NSD2: variants seen among roughly 807,000 people sequenced by gnomAD.
NSD2 encodes the protein histone-lysine N-methyltransferase NSD2.
Under a neutral mutation model 139.0 loss-of-function variants are expected in NSD2, and 12 were observed. The ratio of observed to expected loss-of-function variants is 0.09; its 90% confidence interval spans 0.06 to 0.14. The LOEUF is 0.14. Among genes scored for constraint, NSD2 ranks in the 10% least tolerant of loss-of-function variants. NSD2 has a pLI of 1.00. For missense variants in NSD2, 1,155 were observed against 1,745.0 expected (o/e 0.66, Z 6.02); for synonymous variants, 669 against 648.7 (o/e 1.03, Z -0.48).
chr4:1,898,077 A>T (rs1232895109), intron 1 of NSD2, among the ~76,000 whole-genome samples: 1 of 151,664 alleles, frequency 6.6e-6, no homozygotes, highest in Non-Finnish European at 1.5e-5. Context: ...CAGATCTGTG[A>T]GGCTCTGCTT....
rs770524286 is a variant in NSD2, at chr4:1,955,651, A to G, written c.2519-42A>G. 1.9e-6 allele frequency: 3 copies of G among 1,578,176 alleles called. No homozygotes were observed. Among genetic ancestry groups the G allele is most frequent in the Non-Finnish European group, 2.6e-6 (3 of 1,160,582 alleles). ...AAGCACTGAATCTGGGCTGAGCCAT[A>G]GCAGACAGGCTAAGCCTGGCCGCCT... On this transcript the variant is annotated intron_variant, in intron 13 of 21. Transcript: ENST00000508803. The surrounding 1 kb of genome is among the most constrained non-coding windows in gnomAD (Gnocchi z 4.7).
rs559581791 is a variant in NSD2 at position 1,872,317 on chromosome 4, A to G, written c.-30+775A>G. Among the ~76,000 whole-genome samples the G allele has an allele frequency of 2.6e-5, 4 of 152,282 alleles. No individual in the cohort carries two copies. In the East Asian group the frequency reaches 7.7e-4, roughly 29 times the overall value. On this transcript the variant is annotated intron_variant, in intron 1 of 21. Coordinates refer to ENST00000508803, the MANE Select transcript of NSD2 (RefSeq NM_001042424.3). ...TTGATAGTCCTTGAAGCCTCAGTGC[A>G]TGAGATGGGACCTGGCGACTTAATG...
intron 5 of NSD2, among the ~76,000 whole-genome samples, chr4:1,921,781 C>CAAAAAAA: frequency 1.5e-5 from 1 of 64,986 alleles, no homozygotes; most frequent in African/African-American, 5.3e-5. Flanking sequence ...GACTCTGTCT[C>CAAAAAAA]AAAAAAAAAA....
At chr4:1,883,232 C>T (rs1714835189) in intron 1 of NSD2, among the ~76,000 whole-genome samples, 1 of 152,134 alleles carries the variant, frequency 6.6e-6, no homozygotes. Flanking sequence ...GGTTCAGAAA[C>T]AAGAGAAAGC....
chr4:1,950,658 C>G (rs528517283), intron 9 of NSD2, among the ~76,000 whole-genome samples: 16 of 152,172 alleles, frequency 1.1e-4, no homozygotes, highest in Admixed American at 1.0e-3. Context: ...TTTACACATT[C>G]GTTTGGTGTT....
chr4:1,946,467 C>T (rs958624299), intron 9 of NSD2: 6 of 638,248 alleles, frequency 9.4e-6, no homozygotes, highest in East Asian at 8.2e-5. Context: ...GACAGGGTTT[C>T]GCCATATTGG....
intron 9 of NSD2, chr4:1,945,449 G>T: frequency 4.7e-6 from 5 of 1,063,880 alleles, no homozygotes; most frequent in Non-Finnish European, 5.7e-6. Context: ...CTGTCACAGA[G>T]AAGTTTAAAA....
intron 21 of NSD2, among the ~76,000 whole-genome samples, chr4:1,977,105 A>T (rs976389672): frequency 1.3e-5 from 2 of 152,190 alleles, no homozygotes; most frequent in African/African-American, 2.4e-5. Flanking sequence ...GTGGGAATGG[A>T]GGGGCCCAGA....
In NSD2 at chr4:1,981,743, C is replaced by T; in HGVS notation, c.*2834C>T. On this transcript the variant is annotated 3_prime_UTR_variant, in exon 22 of 22. Transcript: ENST00000508803. ...CCCGGCGTGTGCAGTGCCCATCTTC[C>T]AGGACTACCTTATTTTCCAGAATTA... 2.5e-6 allele frequency: 1 copy of T among 397,280 alleles called. No homozygotes were observed. Among genetic ancestry groups the T allele is most frequent in the East Asian group, 3.6e-5 (1 of 28,048 alleles). 24.6% of individuals were successfully genotyped at this position (397,280 alleles called of 1,614,324 possible).
intron 5 of NSD2, among the ~76,000 whole-genome samples, chr4:1,922,500 T>A (rs1313246143): frequency 6.6e-6 from 1 of 152,222 alleles, no homozygotes; most frequent in Non-Finnish European, 1.5e-5. Context: ...ATCTATAAAT[T>A]CAGTATAATT....
At chr4:1,905,523 T>G (rs1717779632) in intron 3 of NSD2, among the ~76,000 whole-genome samples, 1 of 152,258 alleles carries the variant, frequency 6.6e-6, no homozygotes. Context: ...CTGCCCTTGC[T>G]ATGAGCTTAT....
Position 1,873,289 on chromosome 4 carries a change from A to G in NSD2, c.-30+1747A>G, listed in dbSNP as rs146685572. On this transcript the variant is annotated intron_variant, in intron 1 of 21. Transcript: ENST00000508803. ...TAATACCAGAGTCTGGCCTCTGATT[A>G]TAACAGTAAAGATTTTATTTTAAGA... Among the ~76,000 whole-genome samples the G allele has an allele frequency of 4.3e-4, 66 of 152,358 alleles. No individual in the cohort carries two copies. In the East Asian group the frequency reaches 0.012, roughly 28 times the overall value.
chr4:1,901,305 C>G, intron 2 of NSD2, 54 bp downstream of exon 2: 1 of 1,461,724 alleles, frequency 6.8e-7, no homozygotes, highest in African/African-American at 1.4e-5. Context: ...GTGAGCATGG[C>G]CACCCTATGA....
At chr4:1,970,791 T>C (rs1403519313) in intron 18 of NSD2, among the ~76,000 whole-genome samples, 3 of 152,072 alleles carry the variant, frequency 2.0e-5, no homozygotes, top group Non-Finnish European at 2.9e-5. Flanking sequence ...GGACATTACA[T>C]GTGGGCATGC....
At position 1,954,914 on chromosome 4, in the gene NSD2, C is replaced by G. The variant is rs1391292788; in HGVS notation, c.2339-247C>G. Among the ~76,000 whole-genome samples the G allele has an allele frequency of 5.9e-5, 9 of 152,318 alleles. No homozygotes were observed. In the South Asian group the frequency reaches 8.3e-4, roughly 14 times the overall value. ...CCACACTGCACAATGCCCAGGTCGG[C>G]TGCCCACGTGCCCCAGGTGCCTGCA... On this transcript the variant is annotated intron_variant, in intron 12 of 21. Coordinates refer to ENST00000508803, the MANE Select transcript of NSD2 (RefSeq NM_001042424.3).
rs754112437 is a variant in NSD2 at position 1,979,843 on chromosome 4, G to A, written c.*934G>A. The A allele has an allele frequency of 4.3e-6, 1 of 232,620 alleles. No individual in the cohort carries two copies. The highest frequency in any genetic ancestry group is 1.8e-4 in the South Asian group (1 of 5,532). 14.4% of individuals were successfully genotyped at this position (232,620 alleles called of 1,614,324 possible). The stretch of plus-strand genomic sequence containing the variant: ...TACTGATGCGGCCCTGAGCTCCATG[G>A]CGAAAGGAGTGACTTTGCAGGGCGT... On this transcript the variant is annotated 3_prime_UTR_variant, in exon 22 of 22. Coordinates refer to ENST00000508803, the MANE Select transcript of NSD2 (RefSeq NM_001042424.3).
At chr4:1,957,489 T>A (rs555038122) in intron 15 of NSD2, among the ~76,000 whole-genome samples, 20 of 150,476 alleles carry the variant, frequency 1.3e-4, no homozygotes, top group African/African-American at 4.9e-4. Context: ...GGTTTCAGCA[T>A]GTTGGCCAGG....
chr4:1,901,265 GT>G lies in NSD2; in HGVS notation c.597+16del, dbSNP rs753660550. On this transcript the variant is annotated intron_variant, in intron 2 of 21. Transcript: ENST00000508803. ...TCAGATAAAAAGGTATTTAGGAGAC[GT>G]TGTGTAAGGGGTCATGTGACCTTGA... 6.5e-7 allele frequency: 1 copy of G among 1,545,920 alleles called. No individual in the cohort carries two copies. The highest frequency in any genetic ancestry group is 1.3e-5 in the South Asian group (1 of 77,884).
chr4:1,898,428 G>GTA (rs1404912630), intron 1 of NSD2, among the ~76,000 whole-genome samples: 1 of 152,140 alleles, frequency 6.6e-6, no homozygotes, highest in Non-Finnish European at 1.5e-5. Flanking sequence ...ACTTTGGGAG[G>GTA]CCAAGGCGGG....
Sources: allele counts gnomAD v4.1 joint callset (sites outside exome capture counted in the v4.1 genomes callset), GRCh38; gene constraint gnomAD v4.1.1; non-coding constraint Gnocchi (gnomAD v3.1); transcripts MANE v1.5; gene names NCBI Gene and HGNC (gene_info 2026-07-23, HGNC 2026-07-21).